TINAG: variants seen among roughly 807,000 people sequenced by gnomAD.
TINAG encodes tubulointerstitial nephritis antigen.
In TINAG, 83 loss-of-function variants were observed where a neutral mutation model predicts 72.7. The observed-to-expected ratio is 1.14, with a 90% confidence interval of 0.96 to 1.37. The LOEUF is 1.37. TINAG is among the 40% of genes most tolerant of loss of function. The pLI is 0.00. For synonymous variants in TINAG, 234 were observed against 189.9 expected, an observed-to-expected ratio of 1.23 and a Z score of -1.91; for missense variants, 685 against 576.6, an observed-to-expected ratio of 1.19 and a Z score of -1.93.
At chr6:54,336,717 G>A (rs2150949568) in intron 4 of TINAG, among the ~76,000 whole-genome samples, 1 of 152,152 alleles carries the variant, frequency 6.6e-6, no homozygotes, top group Non-Finnish European at 1.5e-5. Flanking sequence ...AGACTAATTA[G>A]GTTACTAAAG....
chr6:54,357,935 AT>A (rs1763103714), intron 9 of TINAG, among the ~76,000 whole-genome samples: 1 of 151,924 alleles, frequency 6.6e-6, no homozygotes, highest in African/African-American at 2.4e-5. Context: ...ACAATGGCTT[AT>A]AAAGGGCCAA....
chr6:54,379,495 C>T (rs1763881235), intron 9 of TINAG, among the ~76,000 whole-genome samples: 1 of 152,090 alleles, frequency 6.6e-6, no homozygotes. Context: ...TCCATACATA[C>T]ATGTGTTTAC....
intron 1 of TINAG, 61 bp downstream of exon 1, chr6:54,308,966 GTTCTCTCTTT>G: frequency 7.5e-7 from 1 of 1,339,526 alleles, no homozygotes; most frequent in Non-Finnish European, 1.0e-6. Flanking sequence ...TCTGACAAAC[GTTCTCTCTTT>G]TTCTTCTTTC....
chr6:54,367,853 A>T (rs1384219283), intron 9 of TINAG, among the ~76,000 whole-genome samples: 3 of 151,746 alleles, frequency 2.0e-5, no homozygotes, highest in African/African-American at 7.2e-5. Flanking sequence ...TAGTACCAGC[A>T]TATTTGGTGT....
At chr6:54,322,018 C>T (rs1784501587) in intron 3 of TINAG, among the ~76,000 whole-genome samples, 1 of 152,092 alleles carries the variant, frequency 6.6e-6, no homozygotes, top group Non-Finnish European at 1.5e-5. Flanking sequence ...GATGTAGGCA[C>T]TGGCCCGGCG....
chr6:54,308,180 T>C (rs954980840), upstream of TINAG: 4 of 1,426,950 alleles, frequency 2.8e-6, no homozygotes, highest in East Asian at 2.5e-5. Flanking sequence ...CTGGGCCATG[T>C]ATATTCTAAG....
At chr6:54,333,820 T>C (rs1784800299) in intron 4 of TINAG, among the ~76,000 whole-genome samples, 2 of 152,160 alleles carry the variant, frequency 1.3e-5, no homozygotes, top group Admixed American at 1.3e-4. Context: ...GGAATATTCA[T>C]TATCATATTA....
intron 4 of TINAG, among the ~76,000 whole-genome samples, chr6:54,342,456 C>A (rs1372062583): frequency 2.6e-5 from 4 of 151,708 alleles, no homozygotes; most frequent in Non-Finnish European, 5.9e-5. Context: ...GCAATTTCCA[C>A]CTCCCAGGTT....
intron 3 of TINAG, among the ~76,000 whole-genome samples, chr6:54,326,290 A>G (rs1037688130): frequency 6.6e-6 from 1 of 151,914 alleles, no homozygotes; most frequent in Admixed American, 6.6e-5. Context: ...GAATATTTCA[A>G]TATCTGATTA....
intron 9 of TINAG, among the ~76,000 whole-genome samples, chr6:54,355,102 A>C (rs1762992499): frequency 6.6e-6 from 1 of 151,886 alleles, no homozygotes; most frequent in South Asian, 2.1e-4. Context: ...TTTTTAAGTA[A>C]AATATATTAA....
intron 9 of TINAG, among the ~76,000 whole-genome samples, chr6:54,372,727 C>CATATATATATAT (rs67301819): frequency 1.3e-4 from 18 of 133,954 alleles, no homozygotes; most frequent in South Asian, 2.4e-4. Context: ...TAAATACATA[C>CATATATATATAT]ATATATATAT....
At chr6:54,315,556 A>G (rs1784352598) in intron 1 of TINAG, among the ~76,000 whole-genome samples, 1 of 152,064 alleles carries the variant, frequency 6.6e-6, no homozygotes, top group African/African-American at 2.4e-5. Context: ...CATACACTGT[A>G]GTCCCATCTA....
At chr6:54,324,090 A>G (rs1288860906) in intron 3 of TINAG, among the ~76,000 whole-genome samples, 1 of 152,258 alleles carries the variant, frequency 6.6e-6, no homozygotes, top group African/African-American at 2.4e-5. Context: ...GGCACAAGTA[A>G]TAATCAGCAA....
chr6:54,349,495 C>T (rs748602918), intron 6 of TINAG, among the ~76,000 whole-genome samples: 37 of 151,554 alleles, frequency 2.4e-4, no homozygotes, highest in Non-Finnish European at 5.2e-4. Flanking sequence ...AAAAATTGAT[C>T]AAAGCAAGAT....
At chr6:54,358,532 G>T (rs1436859487) in intron 9 of TINAG, among the ~76,000 whole-genome samples, 1 of 126,548 alleles carries the variant, frequency 7.9e-6, no homozygotes, top group Non-Finnish European at 1.6e-5. Flanking sequence ...GAAGTTATTC[G>T]TCAAAAAAAA....
chr6:54,385,659 C>G (rs1764076851), intron 10 of TINAG, among the ~76,000 whole-genome samples: 1 of 151,448 alleles, frequency 6.6e-6, no homozygotes. Flanking sequence ...GCGGTAACAC[C>G]AATACCAAAA....
In TINAG at chr6:54,308,877, T is replaced by C; in HGVS notation, c.327T>C (p.Pro109=). The change falls in exon 1 of 11, where the codon CCT becomes CCC. Residue 109 remains proline (P), a synonymous_variant. Transcript: ENST00000259782. The part of the protein sequence containing the change: ...KSFCREEKEW[P]PHTQPWYPEG... Reference sequence around the variant, plus strand: ...TTTGCCGTGAAGAGAAAGAATGGCCTCCTCACACACAGCCTTGGTATCCAG... The same window carrying C: ...TTTGCCGTGAAGAGAAAGAATGGCCCCCTCACACACAGCCTTGGTATCCAG... 6.2e-7 allele frequency: 1 copy of C among 1,612,628 alleles called. No individual in the cohort carries two copies.
At chr6:54,364,111 A>C in intron 9 of TINAG, among the ~76,000 whole-genome samples, 1 of 151,434 alleles carries the variant, frequency 6.6e-6, no homozygotes, top group Non-Finnish European at 1.5e-5. Context: ...TGTGAGGAAA[A>C]TTAGATAGTT....
At chr6:54,354,817 C>A (rs149844949) in intron 9 of TINAG, among the ~76,000 whole-genome samples, 181 bp downstream of exon 9, 24 of 151,968 alleles carry the variant, frequency 1.6e-4, no homozygotes, top group African/African-American at 5.8e-4. Context: ...GCTAACTCAG[C>A]ATTCTGGGAA....
Sources: gnomAD v4.1 joint callset for allele counts (sites outside exome capture counted in the v4.1 genomes callset) on GRCh38, gnomAD v4.1.1 for gene constraint, MANE v1.5 for transcripts, NCBI Gene and HGNC (gene_info 2026-07-23, HGNC 2026-07-21) for gene names.